The following ARHGAP6 variants were observed in gnomAD, a reference collection of about 807,000 sequenced individuals.
The protein encoded by ARHGAP6 is Rho GTPase activating protein 6.
In ARHGAP6, 16 loss-of-function variants were observed where a neutral mutation model predicts 55.7. The observed-to-expected ratio is 0.29, with a 90% confidence interval of 0.19 to 0.44. The LOEUF is 0.44. Among genes scored for constraint, ARHGAP6 ranks in the 20% least tolerant of loss-of-function variants. The pLI, the probability that ARHGAP6 is intolerant of heterozygous loss-of-function variation, is 1.00. For missense variants in ARHGAP6, 698 were observed against 808.9 expected, an observed-to-expected ratio of 0.86 and a Z score of 1.66; for synonymous variants, 382 against 360.9, an observed-to-expected ratio of 1.06 and a Z score of -0.66.
chrX:11,340,350 C>A (rs1172942784), intron 1 of ARHGAP6, among the ~76,000 whole-genome samples: 1 of 112,029 alleles, frequency 8.9e-6, no homozygotes, highest in Non-Finnish European at 1.9e-5. Flanking sequence ...GTGTCCCCAC[C>A]CACACCTCAC....
chrX:11,151,945 C>G (rs954875493), intron 10 of ARHGAP6, among the ~76,000 whole-genome samples: 23 of 112,102 alleles, frequency 2.1e-4, no homozygotes, highest in African/African-American at 6.8e-4. Flanking sequence ...TGAACGGGTT[C>G]TCTCTTGTGT....
At chrX:11,570,020 T>C (rs1394268489) in intron 1 of ARHGAP6, among the ~76,000 whole-genome samples, 3 of 112,148 alleles carry the variant, frequency 2.7e-5, no homozygotes, top group African/African-American at 9.7e-5. Flanking sequence ...GTCTGGAGTA[T>C]AAGTGAAAAG....
intron 1 of ARHGAP6, among the ~76,000 whole-genome samples, chrX:11,590,323 T>C (rs1601676290): frequency 8.9e-6 from 1 of 111,767 alleles, no homozygotes; most frequent in East Asian, 2.8e-4. Context: ...CAAAGCTCTG[T>C]TTTATCATCT....
At chrX:11,521,651 G>C (rs1335514678) in intron 1 of ARHGAP6, among the ~76,000 whole-genome samples, 4 of 110,525 alleles carry the variant, frequency 3.6e-5, no homozygotes, top group Non-Finnish European at 5.7e-5. Flanking sequence ...GCTCTTTTTT[G>C]GTTCCATATG....
chrX:11,203,884 T>C (rs1239017711), intron 2 of ARHGAP6, among the ~76,000 whole-genome samples: 1 of 112,026 alleles, frequency 8.9e-6, no homozygotes, highest in Non-Finnish European at 1.9e-5. Flanking sequence ...CTGTAAAATA[T>C]CTTCCCTTTA....
chrX:11,278,266 G>A (rs914234532), intron 1 of ARHGAP6, among the ~76,000 whole-genome samples: 1 of 111,814 alleles, frequency 8.9e-6, no homozygotes, highest in Non-Finnish European at 1.9e-5. Context: ...AACCTTGAGA[G>A]GGGGACAGAA....
intron 8 of ARHGAP6, among the ~76,000 whole-genome samples, chrX:11,175,538 A>G (rs1486970343): frequency 2.7e-5 from 3 of 112,068 alleles, no homozygotes; most frequent in Non-Finnish European, 5.6e-5. Context: ...CCTCAAGTTC[A>G]GATGAGGAGA....
intron 1 of ARHGAP6, among the ~76,000 whole-genome samples, chrX:11,403,204 G>A (rs1160055568): frequency 9.0e-6 from 1 of 111,473 alleles, no homozygotes; most frequent in Non-Finnish European, 1.9e-5. Flanking sequence ...GCAATCTTGG[G>A]GTGCTCAGGG....
chrX:11,554,926 T>C lies in ARHGAP6; in HGVS notation c.588+109315A>G, dbSNP rs567430445. 3.9e-4 allele frequency among the ~76,000 whole-genome samples: 44 copies of C among 112,170 alleles called. No individual in the cohort carries two copies. The South Asian group carries it at 8.1e-3, about 21-fold the overall frequency. ...AAAAAAGAAAAGCAATACTCCTAAG[T>C]GGGAACCTTTGAGACAATCTACCAA... On this transcript the variant is annotated intron_variant, in intron 1 of 12. Coordinates refer to ENST00000337414, the MANE Select transcript of ARHGAP6 (RefSeq NM_013427.3).
intron 1 of ARHGAP6, among the ~76,000 whole-genome samples, chrX:11,482,969 C>T (rs2050472565): frequency 1.8e-5 from 2 of 111,320 alleles, no homozygotes; most frequent in Non-Finnish European, 3.8e-5. Flanking sequence ...TGGAGCCTCC[C>T]TCTCTTCTTC....
At chrX:11,559,862 A>C (rs1478816748) in intron 1 of ARHGAP6, among the ~76,000 whole-genome samples, 1 of 108,295 alleles carries the variant, frequency 9.2e-6, no homozygotes, top group African/African-American at 3.4e-5. Context: ...CAGGAGGCGG[A>C]GCTTGCAGTG....
At chrX:11,386,732 G>A (rs995336254) in intron 1 of ARHGAP6, among the ~76,000 whole-genome samples, 1 of 111,937 alleles carries the variant, frequency 8.9e-6, no homozygotes, top group African/African-American at 3.2e-5. Flanking sequence ...ACGTGAGCAT[G>A]TCATCTAAGG....
chrX:11,583,916 T>C (rs1166238795), intron 1 of ARHGAP6, among the ~76,000 whole-genome samples: 2 of 112,240 alleles, frequency 1.8e-5, no homozygotes, highest in African/African-American at 6.5e-5. Context: ...AAAAGTGGTC[T>C]CATTAAACTC....
At chrX:11,438,429 T>C (rs775885919) in intron 1 of ARHGAP6, among the ~76,000 whole-genome samples, 1 of 112,753 alleles carries the variant, frequency 8.9e-6, no homozygotes, top group African/African-American at 3.2e-5. Context: ...ATTAACACTT[T>C]TTTGGTGGTG....
chrX:11,183,411 T>A (rs1268101857), intron 5 of ARHGAP6, among the ~76,000 whole-genome samples: 4 of 111,892 alleles, frequency 3.6e-5, no homozygotes, highest in South Asian at 3.7e-4. Context: ...CCTAGGATCA[T>A]GTCCTAGATG....
rs138891003 is a variant in ARHGAP6 at position 11,143,681 on chromosome X, G to A, written c.2176+299C>T. The A allele has an allele frequency of 1.3e-3, 1,371 of 1,038,383 alleles. 12 individuals are homozygous for A. In the African/African-American group the frequency reaches 0.024, roughly 18 times the overall value. 85.6% of individuals were successfully genotyped at this position (1,038,383 alleles called of 1,213,427 possible). A position where few individuals can be genotyped will look rare whatever the true frequency, so the allele number is the denominator to read the frequency against. ...TATACATAAAGTTCCTAGGATGCTG[G>A]AGGGAAAAAGAATCAGCTGGGAATA... On this transcript the variant is annotated intron_variant, in intron 11 of 12. Transcript: ENST00000337414.
At chrX:11,162,676 C>T (rs1191659606) in intron 9 of ARHGAP6, among the ~76,000 whole-genome samples, 1 of 106,977 alleles carries the variant, frequency 9.3e-6, no homozygotes, top group Non-Finnish European at 2.0e-5. Context: ...GCATGTGTTA[C>T]GTTGCCCTTG....
At position 11,621,409 on chromosome X, in the gene ARHGAP6, C is replaced by T. The variant is rs751940565; in HGVS notation, c.588+42832G>A. On this transcript the variant is annotated intron_variant, in intron 1 of 12. Coordinates refer to ENST00000337414, the MANE Select transcript of ARHGAP6 (RefSeq NM_013427.3). ...TAGATGAAATCACATGTATAAAAAT[C>T]AAACAAATTATGACACAAAATCAGG... 8.1e-5 allele frequency among the ~76,000 whole-genome samples: 9 copies of T among 110,718 alleles called. No individual in the cohort carries two copies. In the South Asian group the frequency reaches 3.4e-3, roughly 42 times the overall value.
At position 11,472,675 on chromosome X, in the gene ARHGAP6, G is replaced by A. The variant is rs187334171; in HGVS notation, c.588+191566C>T. 5.4e-5 allele frequency among the ~76,000 whole-genome samples: 6 copies of A among 111,953 alleles called. No homozygotes were observed. The East Asian group carries it at 1.7e-3, about 31-fold the overall frequency. On this transcript the variant is annotated intron_variant, in intron 1 of 12. Transcript: ENST00000337414. Reference sequence around the variant, plus strand: ...GCTCTTTGGAGAACAATTTGAGGTAGCCTGAATAGAAGGGGAAATTGGTAG... The same window carrying A: ...GCTCTTTGGAGAACAATTTGAGGTAACCTGAATAGAAGGGGAAATTGGTAG...
Sources: gnomAD v4.1 joint callset for allele counts (sites outside exome capture counted in the v4.1 genomes callset) on GRCh38, gnomAD v4.1.1 for gene constraint, MANE v1.5 for transcripts, NCBI Gene and HGNC (gene_info 2026-07-23, HGNC 2026-07-21) for gene names.